TRIM56: variants seen among roughly 807,000 people sequenced by gnomAD.
TRIM56 encodes E3 ubiquitin-protein ligase TRIM56.
In TRIM56, 10 loss-of-function variants were observed where a neutral mutation model predicts 17.1. The observed-to-expected ratio is 0.58, with a 90% CI of 0.36 to 0.99. TRIM56 has a LOEUF of 0.99. TRIM56 is among the 50% of genes least tolerant of loss of function. The pLI, the probability that TRIM56 is intolerant of heterozygous loss-of-function variation, is 0.01. For synonymous variants in TRIM56, 503 were observed against 473.5 expected (o/e 1.06, Z -0.81); for missense variants, 923 against 1,052.3 (o/e 0.88, Z 1.70).
Position 101,088,124 on chromosome 7 carries a change from A to T in TRIM56, c.812A>T (p.Gln271Leu). 7 of 1,502,670 alleles carry T rather than the reference A, an allele frequency of 4.7e-6. No individual in the cohort carries two copies. The highest frequency in any genetic ancestry group is 5.3e-6 in the Non-Finnish European group (6 of 1,125,306). 93.1% of individuals were successfully genotyped at this position (1,502,670 alleles called of 1,614,324 possible). ...GVLRALLAQK[Q>L]EVLGQLRAHV... ...CTCCGGGCCCTGCTGGCCCAGAAGC[A>T]GGAGGTGCTGGGGCAGCTACGAGCC... Residue 271 changes from glutamine to leucine, a missense_variant, in exon 3 of 3, where the codon CAG (glutamine) becomes CTG (leucine). Coordinates refer to ENST00000306085, the MANE Select transcript of TRIM56 (RefSeq NM_030961.3).
Position 101,090,684 on chromosome 7 carries a change from TAAAATAAATAAATAAATA to T in TRIM56, c.*1107_*1124del, listed in dbSNP as rs1490617322. 1.3e-5 allele frequency: 1 copy of T among 79,514 alleles called. No homozygotes were observed. The highest frequency in any genetic ancestry group is 2.8e-4 in the East Asian group (1 of 3,612). The allele number at this position is 79,514 out of a possible 1,614,324, so 4.9% of individuals were successfully genotyped here. On this transcript the variant is annotated 3_prime_UTR_variant, in exon 3 of 3. Coordinates refer to ENST00000306085, the MANE Select transcript of TRIM56 (RefSeq NM_030961.3). ...TCACTTCTCAGCTAAGATCAAGTGT[TAAAATAAATAAATAAATA>T]AATAAATAAATAAATAAATAAATAC...
In TRIM56 at chr7:101,097,834, G is replaced by A. The variant is rs1371984032; in HGVS notation, c.*8254G>A. 1 of 152,130 alleles carries A rather than the reference G, an allele frequency of 6.6e-6. No homozygotes were observed. Among genetic ancestry groups the A allele is most frequent in the African/African-American group, 2.4e-5 (1 of 41,420 alleles). The allele number at this position is 152,130 out of a possible 1,614,324, so 9.4% of individuals were successfully genotyped here. On this transcript the variant is annotated 3_prime_UTR_variant, in exon 3 of 3. Transcript: ENST00000306085. ...AACCCAGTGTGCTGTAAACTCTTCAGTTCCTTTGGTTATGGATTTTGTATC... is the reference window on the plus strand; with the variant it reads ...AACCCAGTGTGCTGTAAACTCTTCAATTCCTTTGGTTATGGATTTTGTATC...
At position 101,093,197 on chromosome 7, in the gene TRIM56, G is replaced by A. The variant is rs1331744302; in HGVS notation, c.*3617G>A. ...TCAAGTACCCAGGGACACAAACACTGCGGAAGGCCGCAGGGTCGTCTGCCT... is the reference window on the plus strand; with the variant it reads ...TCAAGTACCCAGGGACACAAACACTACGGAAGGCCGCAGGGTCGTCTGCCT... On this transcript the variant is annotated 3_prime_UTR_variant, in exon 3 of 3. Transcript: ENST00000306085. 5.7e-6 allele frequency: 1 copy of A among 175,774 alleles called. No homozygotes were observed. The highest frequency in any genetic ancestry group is 1.7e-4 in the East Asian group (1 of 5,904). The allele number at this position is 175,774 out of a possible 1,614,324, so 10.9% of individuals were successfully genotyped here.
chr7:101,091,968 T>C lies in TRIM56; in HGVS notation c.*2388T>C, dbSNP rs1222080793. On this transcript the variant is annotated 3_prime_UTR_variant, in exon 3 of 3. Transcript: ENST00000306085. The stretch of plus-strand genomic sequence containing the variant: ...ACGCCTGACTGGTTTTCGTATTTTT[T>C]TGGTGGAGACGGGGTTTCACTGTGT... 9.9e-6 allele frequency: 3 copies of C among 304,368 alleles called. No individual in the cohort carries two copies. The highest frequency in any genetic ancestry group is 6.9e-5 in the African/African-American group (3 of 43,298). The allele number at this position is 304,368 out of a possible 1,614,324, so 18.9% of individuals were successfully genotyped here. A position where few individuals can be genotyped will look rare whatever the true frequency, so the allele number is the denominator to read the frequency against.
At position 101,088,569 on chromosome 7, in the gene TRIM56, A is replaced by G. The variant is rs1027480753; in HGVS notation, c.1257A>G (p.Pro419=). The G allele has an allele frequency of 7.5e-6, 12 of 1,609,518 alleles. 1 individual carries two copies. The highest frequency in any genetic ancestry group is 2.2e-5 in the South Asian group (2 of 90,890). The change falls in exon 3 of 3, where the codon CCA becomes CCG. Residue 419 remains proline, a synonymous_variant. Transcript: ENST00000306085. ...AGGCTGGAGATGGAGCCCAGACCCC[A>G]AAAGAGGAAAAAGCCCAGACAACCC... is the stretch of plus-strand genomic sequence containing the variant. The part of the protein sequence containing the change: ...QPQAGDGAQT[P]KEEKAQTTRE...
Position 101,089,725 on chromosome 7 carries a change from C to T in TRIM56, c.*145C>T, listed in dbSNP as rs1376738584. On this transcript the variant is annotated 3_prime_UTR_variant, in exon 3 of 3. Coordinates refer to ENST00000306085, the MANE Select transcript of TRIM56 (RefSeq NM_030961.3). ...AACATGGAGTGCCAAACTGCTAACC[C>T]GTCTTCTAGTGTGTGAGAATAGGGA... 5.8e-5 allele frequency: 42 copies of T among 726,108 alleles called. No individual in the cohort carries two copies. Among genetic ancestry groups the T allele is most frequent in the Middle Eastern group, 3.6e-4 (1 of 2,742 alleles). 45.0% of individuals were successfully genotyped at this position (726,108 alleles called of 1,614,324 possible).
chr7:101,095,915 A>C lies in TRIM56; in HGVS notation c.*6335A>C, dbSNP rs1316516093. 1 of 152,056 alleles carries C rather than the reference A, an allele frequency of 6.6e-6. No homozygotes were observed. The highest frequency in any genetic ancestry group is 2.4e-5 in the African/African-American group (1 of 41,400). The allele number at this position is 152,056 out of a possible 1,614,324, so 9.4% of individuals were successfully genotyped here. Reference sequence around the variant, plus strand: ...CCAGTTATATCGCAGATACAAAGAGACCAGGAACACGCTTGTAATCACAGC... The same window carrying C: ...CCAGTTATATCGCAGATACAAAGAGCCCAGGAACACGCTTGTAATCACAGC... On this transcript the variant is annotated 3_prime_UTR_variant, in exon 3 of 3. Transcript: ENST00000306085.
intron 1 of TRIM56, 42 bp from the exon 2 acceptor site, chr7:101,086,964 A>G (rs1411356998): frequency 4.0e-6 from 1 of 249,522 alleles, no homozygotes; most frequent in Non-Finnish European, 7.7e-6. Flanking sequence ...GACACTGAGG[A>G]TTCGATTATT....
rs1267307762 is a variant in TRIM56 at position 101,095,002 on chromosome 7, G to A, written c.*5422G>A. On this transcript the variant is annotated 3_prime_UTR_variant, in exon 3 of 3. Coordinates refer to ENST00000306085, the MANE Select transcript of TRIM56 (RefSeq NM_030961.3). ...CACCTCCAAAACCTCGGCTTGTGGG[G>A]AATCTCCAGTAGGGGGCACTGTGGA... 1.3e-5 allele frequency: 2 copies of A among 150,088 alleles called. No homozygotes were observed. The highest frequency in any genetic ancestry group is 2.0e-4 in the East Asian group (1 of 5,088). 9.3% of individuals were successfully genotyped at this position (150,088 alleles called of 1,614,324 possible).
Position 101,094,243 on chromosome 7 carries a change from A to G in TRIM56, c.*4663A>G, listed in dbSNP as rs1795624058. 1 of 152,264 alleles carries G rather than the reference A, an allele frequency of 6.6e-6. No individual in the cohort carries two copies. The highest frequency in any genetic ancestry group is 1.5e-5 in the Non-Finnish European group (1 of 68,052). The allele number at this position is 152,264 out of a possible 1,614,324, so 9.4% of individuals were successfully genotyped here. On this transcript the variant is annotated 3_prime_UTR_variant, in exon 3 of 3. Transcript: ENST00000306085. ...TCATAATCCTCAAAAACGGAGAATC[A>G]GGAATTATGATCAAATAGTGATAGT...
In TRIM56 at chr7:101,087,492, C is replaced by G; in HGVS notation, c.180C>G (p.Arg60=). ...DGGRVRCPEC[R]ETVPVPPEGV... Reference sequence around the variant, plus strand: ...GCCGCGTCCGCTGCCCCGAGTGCCGCGAGACAGTGCCTGTGCCGCCCGAGG... The same window carrying G: ...GCCGCGTCCGCTGCCCCGAGTGCCGGGAGACAGTGCCTGTGCCGCCCGAGG... The change falls in exon 3 of 3, where the codon CGC becomes CGG. Residue 60 remains arginine (R), a synonymous_variant. Transcript: ENST00000306085. 3.7e-6 allele frequency: 6 copies of G among 1,613,558 alleles called. No homozygotes were observed. The highest frequency in any genetic ancestry group is 4.2e-6 in the Non-Finnish European group (5 of 1,179,860).
chr7:101,087,720 C>T lies in TRIM56; in HGVS notation c.408C>T (p.Arg136=). 1 of 1,587,876 alleles carries T rather than the reference C, an allele frequency of 6.3e-7. No individual in the cohort carries two copies. Among genetic ancestry groups the T allele is most frequent in the African/African-American group, 1.3e-5 (1 of 74,684 alleles). Residue 136 remains arginine, a synonymous_variant, in exon 3 of 3, where the codon CGC becomes CGT. Transcript: ENST00000306085. ...GCCAGGCCTGTGCCGACGGGCACCG[C>T]TGCACCCGCCAGACCCACACCCACC... is the stretch of plus-strand genomic sequence containing the variant. The part of the protein sequence containing the change: ...DLCQACADGH[R]CTRQTHTHRV...
Position 101,090,825 on chromosome 7 carries a change from G to A in TRIM56, c.*1245G>A, listed in dbSNP as rs1296486171. The A allele has an allele frequency of 6.6e-6, 1 of 152,158 alleles. No homozygotes were observed. The highest frequency in any genetic ancestry group is 2.4e-5 in the African/African-American group (1 of 41,400). 9.4% of individuals were successfully genotyped at this position (152,158 alleles called of 1,614,324 possible). On this transcript the variant is annotated 3_prime_UTR_variant, in exon 3 of 3. Transcript: ENST00000306085. ...GATAGAAAAATCTCTAGGCTCCAAC[G>A]CTTCTGCTTCGGTGTCTTTCCATTT...
In TRIM56 at chr7:101,094,762, C is replaced by G. The variant is rs975412775; in HGVS notation, c.*5182C>G. On this transcript the variant is annotated 3_prime_UTR_variant, in exon 3 of 3. Coordinates refer to ENST00000306085, the MANE Select transcript of TRIM56 (RefSeq NM_030961.3). ...GAGTTCACCAAATAACTCAGACCAA[C>G]TGGAAACCAAGTGGAGTTTCTACAG... 7.4e-6 allele frequency: 1 copy of G among 135,618 alleles called. No homozygotes were observed. Among genetic ancestry groups the G allele is most frequent in the African/African-American group, 2.8e-5 (1 of 35,216 alleles). The allele number at this position is 135,618 out of a possible 1,614,324, so 8.4% of individuals were successfully genotyped here. A position where few individuals can be genotyped will look rare whatever the true frequency, so the allele number is the denominator to read the frequency against.
rs1795458745 is a variant in TRIM56, at chr7:101,087,003, C to A, written c.-164-3C>A. 3 of 361,652 alleles carry A rather than the reference C, an allele frequency of 8.3e-6. No homozygotes were observed. In the East Asian group the frequency reaches 1.6e-4, roughly 19 times the overall value. 22.4% of individuals were successfully genotyped at this position (361,652 alleles called of 1,614,324 possible). A position where few individuals can be genotyped will look rare whatever the true frequency, so the allele number is the denominator to read the frequency against. On this transcript the variant is annotated splice_region_variant and splice_polypyrimidine_tract_variant and intron_variant, in intron 1 of 2. Transcript: ENST00000306085. ...TAAGGCCAGGGACTCCTGGTCTTGTCAGTTCTCACAGGTCTGACCCAACAA... is the reference window on the plus strand; with the variant it reads ...TAAGGCCAGGGACTCCTGGTCTTGTAAGTTCTCACAGGTCTGACCCAACAA...
At position 101,087,329 on chromosome 7, in the gene TRIM56, C is replaced by T; in HGVS notation, c.17C>T (p.Ser6Phe). ...GCCTGCAGCATGGTTTCCCACGGGT[C>T]CTCGCCCTCCCTCCTGGAGGCCCTG... is the stretch of plus-strand genomic sequence containing the variant. MVSHGSSPSLLEALSS... is the reference protein window; with the variant it reads MVSHGFSPSLLEALSS... Residue 6 changes from serine to phenylalanine, a missense_variant, in exon 3 of 3, where the codon TCC becomes TTC. This residue lies in a region of TRIM56 where 98 missense variants were observed against 143.6 expected (regional missense o/e 0.68). Coordinates refer to ENST00000306085, the MANE Select transcript of TRIM56 (RefSeq NM_030961.3). The T allele has an allele frequency of 6.2e-7, 1 of 1,612,450 alleles. No individual in the cohort carries two copies. Among genetic ancestry groups the T allele is most frequent in the Non-Finnish European group, 8.5e-7 (1 of 1,179,524 alleles).
Position 101,087,988 on chromosome 7 carries a change from A to G in TRIM56, c.676A>G (p.Asn226Asp). ...GGGACTGCTGGCCGGTGTGGACAAT[A>G]ACCTGGTGGAGCTGGAGGCAGCGCG... is the stretch of plus-strand genomic sequence containing the variant. Reference protein sequence around the residue: ...LEGLLAGVDNNLVELEAARRV... With the variant: ...LEGLLAGVDNDLVELEAARRV... The change falls in exon 3 of 3, where the codon AAC becomes GAC. Residue 226 changes from asparagine (N) to aspartate (D), a missense_variant. This residue lies in a region of TRIM56 where 643 missense variants were observed against 665.6 expected (regional missense o/e 0.97). Transcript: ENST00000306085. 1 of 1,590,784 alleles carries G rather than the reference A, an allele frequency of 6.3e-7. No homozygotes were observed. Among genetic ancestry groups the G allele is most frequent in the Middle Eastern group, 1.7e-4 (1 of 5,962 alleles).
chr7:101,091,068 C>G lies in TRIM56; in HGVS notation c.*1488C>G, dbSNP rs1795556344. The G allele has an allele frequency of 6.6e-6, 1 of 152,248 alleles. No homozygotes were observed. Among genetic ancestry groups the G allele is most frequent in the Non-Finnish European group, 1.5e-5 (1 of 68,086 alleles). 9.4% of individuals were successfully genotyped at this position (152,248 alleles called of 1,614,324 possible). On this transcript the variant is annotated 3_prime_UTR_variant, in exon 3 of 3. Coordinates refer to ENST00000306085, the MANE Select transcript of TRIM56 (RefSeq NM_030961.3). Reference sequence around the variant, plus strand: ...GCTGCGACGGATAGAGGTGTCAAACCAGAAGGGAGGAACCCGTCGGAGGTG... The same window carrying G: ...GCTGCGACGGATAGAGGTGTCAAACGAGAAGGGAGGAACCCGTCGGAGGTG...
rs1197086292 is a variant in TRIM56 at position 101,087,826 on chromosome 7, C to G, written c.514C>G (p.His172Asp). The change falls in exon 3 of 3, where the codon CAC (histidine) becomes GAC (aspartate). Residue 172 changes from histidine (H) to aspartate (D), a missense_variant. His to Asp is a moderately conservative substitution (Grantham distance 81, BLOSUM62 -1). This residue lies in a region of TRIM56 where 643 missense variants were observed against 665.6 expected (regional missense o/e 0.97). Coordinates refer to ENST00000306085, the MANE Select transcript of TRIM56 (RefSeq NM_030961.3). ...GCGCCAAGCGGCCCAGTGTCCCCAG[C>G]ACCCCGGGGAGGCACTGCGCTTCCT... Reference protein sequence around the residue: ...RERQAAQCPQHPGEALRFLCQ... With the variant: ...RERQAAQCPQDPGEALRFLCQ... 6 of 1,604,046 alleles carry G rather than the reference C, an allele frequency of 3.7e-6. No individual in the cohort carries two copies. Among genetic ancestry groups the G allele is most frequent in the Non-Finnish European group, 5.1e-6 (6 of 1,176,764 alleles).
Sources: allele counts gnomAD v4.1 joint callset, GRCh38; gene constraint gnomAD v4.1.1; regional missense constraint gnomAD v4.1.1; transcripts MANE v1.5; gene names NCBI Gene and HGNC (gene_info 2026-07-23, HGNC 2026-07-21).